PBX3: variants seen among roughly 807,000 people sequenced by gnomAD.
The protein encoded by PBX3 is PBX homeobox 3.
Under a neutral mutation model 48.5 loss-of-function variants are expected in PBX3, and 14 were observed. The observed-to-expected ratio is 0.29, with a 90% CI of 0.19 to 0.45. PBX3 has a LOEUF of 0.45. Ranked by LOEUF, PBX3 falls within the 20% of genes least tolerant of loss-of-function variation. The pLI is 1.00. For synonymous variants in PBX3, 210 were observed against 200.3 expected (o/e 1.05, Z -0.41); for missense variants, 386 against 546.7 (o/e 0.71, Z 2.93).
At chr9:125,747,750 GC>G in intron 1 of PBX3, 97 bp downstream of exon 1, 5 of 898,410 alleles carry the variant, frequency 5.6e-6, no homozygotes, top group Non-Finnish European at 6.2e-6. Flanking sequence ...TAGGGCCGCA[GC>G]CCCCGGCGGG....
At chr9:125,764,947 T>C (rs1264353255) in intron 2 of PBX3, among the ~76,000 whole-genome samples, 1 of 152,192 alleles carries the variant, frequency 6.6e-6, no homozygotes, top group Non-Finnish European at 1.5e-5. Flanking sequence ...TCTTGACGGC[T>C]ACTGTGAAGG....
intron 2 of PBX3, among the ~76,000 whole-genome samples, chr9:125,795,172 A>G (rs1837741142): frequency 6.6e-6 from 1 of 152,230 alleles, no homozygotes; most frequent in East Asian, 1.9e-4. Context: ...ATTGTTATTC[A>G]TTAATGGAAA....
At chr9:125,926,735 G>T (rs574730035) in intron 3 of PBX3, among the ~76,000 whole-genome samples, 1 of 152,074 alleles carries the variant, frequency 6.6e-6, no homozygotes, top group Non-Finnish European at 1.5e-5. Context: ...CAGGAGAATC[G>T]CTTGAACTTG....
At chr9:125,937,190 A>C (rs1478378774) in intron 5 of PBX3, among the ~76,000 whole-genome samples, 2 of 152,194 alleles carry the variant, frequency 1.3e-5, no homozygotes, top group East Asian at 3.9e-4. Flanking sequence ...AAAACAATAG[A>C]ATCTGGAGTT....
intron 2 of PBX3, among the ~76,000 whole-genome samples, chr9:125,898,466 A>T (rs562700892): frequency 1.9e-4 from 29 of 151,742 alleles, no homozygotes; most frequent in African/African-American, 6.5e-4. Flanking sequence ...AAAAATAAAA[A>T]AAAGGGCCTT....
chr9:125,885,437 T>A (rs1213528503), intron 2 of PBX3, among the ~76,000 whole-genome samples: 1 of 152,166 alleles, frequency 6.6e-6, no homozygotes, highest in Non-Finnish European at 1.5e-5. Flanking sequence ...TATTCCCGTC[T>A]GTACTTCTGG....
intron 3 of PBX3, among the ~76,000 whole-genome samples, chr9:125,928,585 C>T (rs2132509219): frequency 6.6e-6 from 1 of 151,996 alleles, no homozygotes; most frequent in Middle Eastern, 3.4e-3. Context: ...CCTGCCTCAG[C>T]CTCCCGAGTA....
In PBX3 at chr9:125,915,824, C is replaced by T. The variant is rs1841318061; in HGVS notation, c.413C>T (p.Ala138Val). 4 of 1,613,948 alleles carry T rather than the reference C, an allele frequency of 2.5e-6. No individual in the cohort carries two copies. The highest frequency in any genetic ancestry group is 3.4e-6 in the Non-Finnish European group (4 of 1,180,018). Residue 138 changes from alanine (A) to valine (V), a missense_variant, in exon 3 of 9, where the codon GCC (alanine) becomes GTC (valine). Physicochemically the swap from Ala to Val is moderately conservative, Grantham distance 64 (BLOSUM62 0). Coordinates refer to ENST00000373489, the MANE Select transcript of PBX3 (RefSeq NM_006195.6). Reference sequence around the variant, plus strand: ...GCGGCAGCAGCTGCAGCCGCGGCAGCCTCTGGAGGTTCTTCAGATAACTCT... The same window carrying T: ...GCGGCAGCAGCTGCAGCCGCGGCAGTCTCTGGAGGTTCTTCAGATAACTCT... ...GSAAAAAAAAASGGSSDNSIE... is the reference protein window; with the variant it reads ...GSAAAAAAAAVSGGSSDNSIE...
chr9:125,833,003 A>G lies in PBX3; in HGVS notation c.275-82683A>G, dbSNP rs897542436. 4.6e-5 allele frequency among the ~76,000 whole-genome samples: 7 copies of G among 152,246 alleles called. No individual in the cohort carries two copies. In the East Asian group the frequency reaches 1.4e-3, roughly 29 times the overall value. ...GAGACTTAAAAGTACCTACATTGTT[A>G]TGTCATTTCGGGAAGTTCCAGCATC... On this transcript the variant is annotated intron_variant, in intron 2 of 8. Coordinates refer to ENST00000373489, the MANE Select transcript of PBX3 (RefSeq NM_006195.6).
chr9:125,952,757 T>C (rs1842220241), intron 5 of PBX3, among the ~76,000 whole-genome samples: 1 of 152,214 alleles, frequency 6.6e-6, no homozygotes, highest in African/African-American at 2.4e-5. Context: ...TCTCCAGTGC[T>C]TTTTCTGTTG....
intron 2 of PBX3, among the ~76,000 whole-genome samples, chr9:125,827,544 T>C (rs1838843176): frequency 6.6e-6 from 1 of 152,172 alleles, no homozygotes; most frequent in Non-Finnish European, 1.5e-5. Context: ...ATAATGTGTA[T>C]ATATACACAT....
intron 2 of PBX3, among the ~76,000 whole-genome samples, chr9:125,862,638 G>C (rs1273597982): frequency 6.6e-6 from 1 of 152,088 alleles, no homozygotes; most frequent in Non-Finnish European, 1.5e-5. Flanking sequence ...GCCCGCCTTG[G>C]ACTCCCAAAG....
chr9:125,791,301 G>GTCTA (rs61202902), intron 2 of PBX3, among the ~76,000 whole-genome samples: 13,705 of 108,852 alleles, frequency 0.13, 764 homozygotes, highest in African/African-American at 0.18. Context: ...CTGTCTGTCT[G>GTCTA]TCTATCTATC....
intron 2 of PBX3, among the ~76,000 whole-genome samples, chr9:125,786,235 A>G (rs1837453349): frequency 1.3e-5 from 2 of 152,210 alleles, no homozygotes; most frequent in African/African-American, 4.8e-5. Context: ...GATTTGAGCT[A>G]CACATATGAA....
At chr9:125,822,860 A>G (rs561278972) in intron 2 of PBX3, among the ~76,000 whole-genome samples, 1 of 152,176 alleles carries the variant, frequency 6.6e-6, no homozygotes, top group South Asian at 2.1e-4. Flanking sequence ...TTAATTCAGT[A>G]CTTCATACTT....
At chr9:125,870,604 T>C (rs1239698693) in intron 2 of PBX3, among the ~76,000 whole-genome samples, 2 of 152,144 alleles carry the variant, frequency 1.3e-5, no homozygotes, top group Non-Finnish European at 2.9e-5. Context: ...TCCCACAAAT[T>C]GTGGGAGCTA....
At chr9:125,754,041 T>C (rs1228477860) in intron 2 of PBX3, among the ~76,000 whole-genome samples, 1 of 152,104 alleles carries the variant, frequency 6.6e-6, no homozygotes, top group Non-Finnish European at 1.5e-5. Context: ...ACACCCTAAG[T>C]CAGTCATCAC....
At position 125,966,034 on chromosome 9, in the gene PBX3, C is replaced by T. The variant is rs538371358; in HGVS notation, c.*111C>T. 7.7e-4 allele frequency: 517 copies of T among 672,080 alleles called. No homozygotes were observed. The highest frequency in any genetic ancestry group is 1.2e-3 in the Admixed American group (46 of 39,126). 41.6% of individuals were successfully genotyped at this position (672,080 alleles called of 1,614,324 possible). ...CACCATCTACAGCTTTACTGTAAAA[C>T]CTTGTCTTATTCGAGAACTTGGTAA... On this transcript the variant is annotated 3_prime_UTR_variant, in exon 9 of 9. Coordinates refer to ENST00000373489, the MANE Select transcript of PBX3 (RefSeq NM_006195.6).
chr9:125,933,935 C>T (rs1186388088), intron 4 of PBX3, among the ~76,000 whole-genome samples: 1 of 152,098 alleles, frequency 6.6e-6, no homozygotes, highest in Non-Finnish European at 1.5e-5. Context: ...ACCTCGGGAC[C>T]TTGTCTTTCT....
Sources: gnomAD v4.1 joint callset for allele counts (sites outside exome capture counted in the v4.1 genomes callset) on GRCh38, gnomAD v4.1.1 for gene constraint, MANE v1.5 for transcripts, NCBI Gene and HGNC (gene_info 2026-07-23, HGNC 2026-07-21) for gene names.